MAP3K15: variants seen among roughly 807,000 people sequenced by gnomAD.
The protein encoded by MAP3K15 is MAPK/ERK kinase kinase 15.
A neutral mutation model predicts 99.5 loss-of-function variants in MAP3K15; 124 were observed. The ratio of observed to expected loss-of-function variants is 1.25; its 90% CI spans 1.08 to 1.45. The LOEUF (loss-of-function observed/expected upper bound fraction) is 1.45, where lower values mean the gene tolerates loss of function less well. MAP3K15 is among the 40% of genes most tolerant of loss of function. MAP3K15 has a pLI of 0.00. For missense variants in MAP3K15, 1,242 were observed against 1,079.7 expected, an observed-to-expected ratio of 1.15 and a Z score of -2.11; for synonymous variants, 494 against 439.6, an observed-to-expected ratio of 1.12 and a Z score of -1.55.
chrX:19,385,365 G>A (rs1488974851), intron 18 of MAP3K15, among the ~76,000 whole-genome samples: 1 of 111,763 alleles, frequency 8.9e-6, no homozygotes, highest in Non-Finnish European at 1.9e-5. Context: ...ACTGATCCGA[G>A]AGAAAGAGGA....
intron 18 of MAP3K15, among the ~76,000 whole-genome samples, chrX:19,384,333 G>T (rs898018069): frequency 1.8e-5 from 2 of 110,285 alleles, no homozygotes; most frequent in East Asian, 5.7e-4. Context: ...GGTTACCAGA[G>T]GCTGGGAAGG....
intron 1 of MAP3K15, among the ~76,000 whole-genome samples, chrX:19,507,708 C>T (rs746677375): frequency 9.2e-6 from 1 of 108,150 alleles, no homozygotes; most frequent in Non-Finnish European, 1.9e-5. Flanking sequence ...TCACAAGTGC[C>T]GTAGTCTGGT....
Position 19,371,454 on chromosome X carries a change from G to A in MAP3K15, c.3185C>T (p.Pro1062Leu), listed in dbSNP as rs750087419. ...IGILRDFIRSPEHRVMATTIS... is the reference protein window; with the variant it reads ...IGILRDFIRSLEHRVMATTIS... ...TGTGGTCGCCATCACCCGGTGCTCT[G>A]GGGAGCGGATGAAGTCCCTCAGGAT... is the stretch of plus-strand genomic sequence containing the variant. Residue 1062 changes from proline to leucine, a missense_variant, in exon 23 of 29, where the codon CCA becomes CTA. Physicochemically the swap from Pro to Leu is moderately conservative, Grantham distance 98. Coordinates refer to ENST00000338883, the MANE Select transcript of MAP3K15 (RefSeq NM_001001671.4). 8.3e-7 allele frequency: 1 copy of A among 1,209,116 alleles called. No homozygotes were observed. Among genetic ancestry groups the A allele is most frequent in the Admixed American group, 2.2e-5 (1 of 45,734 alleles).
rs746106862 is a variant in MAP3K15, at chrX:19,426,818, C to CAAAAAAAAAA, written c.1167-485_1167-476dup. 7.3e-3 allele frequency among the ~76,000 whole-genome samples: 154 copies of CAAAAAAAAAA among 21,147 alleles called. 24 individuals are homozygous for CAAAAAAAAAA. The highest frequency in any genetic ancestry group is 0.029 in the African/African-American group (141 of 4,827). 18.4% of individuals were successfully genotyped at this position (21,147 alleles called of 115,157 possible). ...GGGTGACAGAGCGAGAATCTGTCTC[C>CAAAAAAAAAA]AAAAAAAAAAAAAAAAAAAAAAAAA... On this transcript the variant is annotated intron_variant, in intron 7 of 28. Coordinates refer to ENST00000338883, the MANE Select transcript of MAP3K15 (RefSeq NM_001001671.4).
At chrX:19,513,091 G>A (rs187084218) in intron 1 of MAP3K15, among the ~76,000 whole-genome samples, 22 of 111,733 alleles carry the variant, frequency 2.0e-4, no homozygotes. Context: ...CCAGGACAAG[G>A]TTAACCAAAG....
At chrX:19,422,264 T>A (rs2063793719) in intron 9 of MAP3K15, among the ~76,000 whole-genome samples, 1 of 110,233 alleles carries the variant, frequency 9.1e-6, no homozygotes, top group African/African-American at 3.3e-5. Context: ...TGGGAGAAAA[T>A]TTTTGCAATC....
chrX:19,373,297 G>C (rs1293231321), intron 21 of MAP3K15: 9 of 368,139 alleles, frequency 2.4e-5, no homozygotes, highest in Non-Finnish European at 3.7e-5. Context: ...GAGAAGGGAA[G>C]AGGAGAGGTG....
rs1301703645 is a variant in MAP3K15 at position 19,360,648 on chromosome X, T to C, written c.*101A>G. The C allele has an allele frequency of 3.2e-6, 2 of 620,566 alleles. No homozygotes were observed. The highest frequency in any genetic ancestry group is 6.6e-5 in the Admixed American group (2 of 30,230). 51.1% of individuals were successfully genotyped at this position (620,566 alleles called of 1,213,427 possible). On this transcript the variant is annotated 3_prime_UTR_variant, in exon 29 of 29. Transcript: ENST00000338883. ...AACTATTAATTGAACAATGGCATTT[T>C]TAAATATGTAAACACAGCGGAATTC...
At chrX:19,380,612 G>A (rs894164757) in intron 18 of MAP3K15, among the ~76,000 whole-genome samples, 1 of 110,845 alleles carries the variant, frequency 9.0e-6, no homozygotes, top group Non-Finnish European at 1.9e-5. Flanking sequence ...CGCGAACTCC[G>A]CCTCCCGGGT....
chrX:19,368,329 A>G (rs1602244532), intron 25 of MAP3K15, among the ~76,000 whole-genome samples: 1 of 111,903 alleles, frequency 8.9e-6, no homozygotes, highest in Non-Finnish European at 1.9e-5. Flanking sequence ...TTTAGAAGAG[A>G]TGGGGTTTCA....
At chrX:19,385,593 G>T (rs898674227) in intron 18 of MAP3K15, among the ~76,000 whole-genome samples, 5 of 111,083 alleles carry the variant, frequency 4.5e-5, no homozygotes, top group African/African-American at 1.6e-4. Context: ...CTTACCAATT[G>T]TCTCCACATA....
intron 6 of MAP3K15, among the ~76,000 whole-genome samples, chrX:19,445,889 G>A (rs924125286): frequency 9.1e-6 from 1 of 109,907 alleles, no homozygotes; most frequent in Non-Finnish European, 1.9e-5. Context: ...AGAGATTGCA[G>A]TGAGCTGAGA....
chrX:19,378,890 C>T (rs986759416), intron 19 of MAP3K15, among the ~76,000 whole-genome samples: 1 of 111,006 alleles, frequency 9.0e-6, no homozygotes, highest in Non-Finnish European at 1.9e-5. Context: ...CCTGTTAGCT[C>T]GGGGAGGGTT....
intron 1 of MAP3K15, among the ~76,000 whole-genome samples, chrX:19,511,385 C>A (rs1344790963): frequency 9.0e-6 from 1 of 111,699 alleles, no homozygotes; most frequent in Non-Finnish European, 1.9e-5. Context: ...GAACAGGCAA[C>A]CTACAGAATG....
At position 19,430,690 on chromosome X, in the gene MAP3K15, T is replaced by G. The variant is rs768662790; in HGVS notation, c.1166+748A>C. ...GCAAGAAGGTCTTACCCTCTTCCTG[T>G]TTCATGTTGCTCTCCACTCACCCCT... On this transcript the variant is annotated intron_variant, in intron 7 of 28. Transcript: ENST00000338883. Among the ~76,000 whole-genome samples, 10 of 111,131 alleles carry G rather than the reference T, an allele frequency of 9.0e-5. No individual in the cohort carries two copies. In the South Asian group the frequency reaches 3.9e-3, roughly 43 times the overall value.
At chrX:19,373,360 C>T (rs1246228884) in intron 21 of MAP3K15, among the ~76,000 whole-genome samples, 176 bp downstream of exon 21, 1 of 109,800 alleles carries the variant, frequency 9.1e-6, no homozygotes. Flanking sequence ...GAAGGGACAG[C>T]AAGTGAACGA....
At chrX:19,415,402 C>G (rs183093332) in intron 9 of MAP3K15, 145 bp from the exon 10 acceptor site, 333 of 486,649 alleles carry the variant, frequency 6.8e-4, no homozygotes, top group Admixed American at 2.9e-3. Flanking sequence ...TGCTCAGCAG[C>G]CACAAAACTA....
intron 3 of MAP3K15, among the ~76,000 whole-genome samples, chrX:19,478,532 CAT>C (rs1486810621): frequency 1.8e-5 from 2 of 109,584 alleles, no homozygotes; most frequent in Admixed American, 1.9e-4. Context: ...GAGACCTACA[CAT>C]GTTCCTAAGC....
At chrX:19,490,182 CACATACATACAA>C (rs1477988999) in intron 1 of MAP3K15, among the ~76,000 whole-genome samples, 24 of 95,537 alleles carry the variant, frequency 2.5e-4, no homozygotes, top group Middle Eastern at 5.1e-3. Context: ...CACACACACA[CACATACATACAA>C]AAATTCCTTA....
Sources: gnomAD v4.1 joint callset for allele counts (sites outside exome capture counted in the v4.1 genomes callset) on GRCh38, gnomAD v4.1.1 for gene constraint, MANE v1.5 for transcripts, NCBI Gene and HGNC (gene_info 2026-07-23, HGNC 2026-07-21) for gene names.